The following SLC9A9 variants were observed in gnomAD, a reference collection of about 807,000 sequenced individuals.
The protein encoded by SLC9A9 is sodium/hydrogen exchanger 9.
SLC9A9 carries 62 observed loss-of-function variants against 77.8 expected under a neutral mutation model. The observed-to-expected ratio is 0.80, with a 90% CI of 0.65 to 0.98. The LOEUF is 0.98. Ranked by LOEUF, SLC9A9 falls within the 50% of genes least tolerant of loss-of-function variation. SLC9A9 has a pLI of 0.00. For missense variants in SLC9A9, 775 were observed against 774.9 expected (o/e 1.00, Z 0.00); for synonymous variants, 320 against 283.5 (o/e 1.13, Z -1.29).
intron 1 of SLC9A9, among the ~76,000 whole-genome samples, chr3:143,845,060 C>T (rs552687702): frequency 3.9e-5 from 6 of 152,116 alleles, no homozygotes; most frequent in Non-Finnish European, 7.4e-5. Context: ...TATGAGGATG[C>T]ATCTAGATCC....
chr3:143,725,289 G>T (rs932699137), intron 4 of SLC9A9, among the ~76,000 whole-genome samples: 4 of 152,052 alleles, frequency 2.6e-5, no homozygotes, highest in Non-Finnish European at 5.9e-5. Context: ...CTGTTGGTGG[G>T]ACTGTTAACT....
At chr3:143,745,402 C>T (rs951451392) in intron 4 of SLC9A9, among the ~76,000 whole-genome samples, 5 of 152,160 alleles carry the variant, frequency 3.3e-5, no homozygotes, top group Admixed American at 3.3e-4. Context: ...ATCTCTTGGG[C>T]TGTACTCATT....
intron 4 of SLC9A9, among the ~76,000 whole-genome samples, chr3:143,752,470 C>T (rs1025189043): frequency 2.0e-5 from 3 of 152,250 alleles, no homozygotes; most frequent in African/African-American, 4.8e-5. Context: ...AAAAGCATAG[C>T]GGCCTCCATA....
chr3:143,322,209 G>A (rs769898164), intron 14 of SLC9A9, among the ~76,000 whole-genome samples: 52 of 152,202 alleles, frequency 3.4e-4, no homozygotes, highest in Non-Finnish European at 6.5e-4. Context: ...GTGTCTGTGA[G>A]GGTGTTTCTG....
At chr3:143,274,562 T>C (rs998084868) in intron 14 of SLC9A9, among the ~76,000 whole-genome samples, 1 of 152,308 alleles carries the variant, frequency 6.6e-6, no homozygotes, top group African/African-American at 2.4e-5. Flanking sequence ...AATTTCAAGC[T>C]ACTGACACAA....
At chr3:143,688,521 G>C (rs955963571) in intron 5 of SLC9A9, among the ~76,000 whole-genome samples, 1 of 152,090 alleles carries the variant, frequency 6.6e-6, no homozygotes, top group African/African-American at 2.4e-5. Context: ...TGGCAGAAGA[G>C]AACAACCTTA....
intron 4 of SLC9A9, among the ~76,000 whole-genome samples, chr3:143,737,390 A>G: frequency 6.6e-6 from 1 of 152,100 alleles, no homozygotes; most frequent in Non-Finnish European, 1.5e-5. Flanking sequence ...GACAGCAGGT[A>G]GAATAATTAA....
At chr3:143,667,193 C>CCA (rs1163010694) in intron 5 of SLC9A9, among the ~76,000 whole-genome samples, 4 of 152,316 alleles carry the variant, frequency 2.6e-5, no homozygotes, top group African/African-American at 7.2e-5. Context: ...CTACAACCAT[C>CCA]TGATCTTTGA....
intron 14 of SLC9A9, among the ~76,000 whole-genome samples, chr3:143,342,508 T>C (rs2032133333): frequency 1.3e-5 from 2 of 152,186 alleles, no homozygotes; most frequent in Admixed American, 1.3e-4. Flanking sequence ...TGCTGATGTA[T>C]TTCAGTTTAT....
At chr3:143,648,717 C>T (rs7647113) in intron 6 of SLC9A9, among the ~76,000 whole-genome samples, 1,928 of 152,276 alleles carry the variant, frequency 0.013, 42 homozygotes, top group African/African-American at 0.044. Context: ...CTTGAACTCA[C>T]GGAGCAGGTG....
chr3:143,667,761 T>C, intron 5 of SLC9A9, among the ~76,000 whole-genome samples: 1 of 152,094 alleles, frequency 6.6e-6, no homozygotes, highest in East Asian at 1.9e-4. Flanking sequence ...ATCAGAGAAA[T>C]GTAAATCAAA....
intron 4 of SLC9A9, among the ~76,000 whole-genome samples, chr3:143,701,321 G>A (rs1279995620): frequency 6.6e-6 from 1 of 152,014 alleles, no homozygotes; most frequent in Admixed American, 6.6e-5. Context: ...AGGCACCAGG[G>A]AACAATTTTA....
chr3:143,767,370 CTGTGTATGTGTG>C (rs953912819), intron 4 of SLC9A9, among the ~76,000 whole-genome samples: 1 of 117,516 alleles, frequency 8.5e-6, no homozygotes, highest in Admixed American at 8.1e-5. Flanking sequence ...CAGTAAGTGT[CTGTGTATGTGTG>C]TGTGTGTGTG....
Position 143,502,546 on chromosome 3 carries a change from CA to C in SLC9A9, c.1090-7099del, listed in dbSNP as rs1178247489. Among the ~76,000 whole-genome samples the C allele has an allele frequency of 8.3e-4, 126 of 151,922 alleles. 1 individual carries two copies. The highest frequency in any genetic ancestry group is 1.9e-4 in the Non-Finnish European group (13 of 67,984). On this transcript the variant is annotated intron_variant, in intron 9 of 15. Transcript: ENST00000316549. ...GATTGACCTTTTTCTTCTATCCACA[CA>C]AAAAAATGTAATTTTACCATATTAT...
intron 12 of SLC9A9, among the ~76,000 whole-genome samples, chr3:143,395,079 A>C (rs2033692834): frequency 1.3e-5 from 2 of 152,224 alleles, no homozygotes; most frequent in African/African-American, 4.8e-5. Context: ...GACTTTCTTC[A>C]CAGAATTGGA....
In SLC9A9 at chr3:143,306,071, C is replaced by A. The variant is rs560501247; in HGVS notation, c.1605-37091G>T. On this transcript the variant is annotated intron_variant, in intron 14 of 15. Coordinates refer to ENST00000316549, the MANE Select transcript of SLC9A9 (RefSeq NM_173653.4). ...AAATGGAATTTCTTTAAAAAAAAAA[C>A]CCTCTAAAATGTGAGACTGACAAAT... Among the ~76,000 whole-genome samples the A allele has an allele frequency of 1.3e-3, 199 of 151,564 alleles. 1 individual carries two copies. Among genetic ancestry groups the A allele is most frequent in the African/African-American group, 4.5e-3 (187 of 41,340 alleles).
At chr3:143,460,040 C>G (rs2035162624) in intron 12 of SLC9A9, among the ~76,000 whole-genome samples, 1 of 152,172 alleles carries the variant, frequency 6.6e-6, no homozygotes, top group East Asian at 1.9e-4. Flanking sequence ...TATGTCCACT[C>G]TTCTGACCCA....
chr3:143,845,364 C>T lies in SLC9A9; in HGVS notation c.175+2784G>A, dbSNP rs118117894. Among the ~76,000 whole-genome samples, 5 of 152,194 alleles carry T rather than the reference C, an allele frequency of 3.3e-5. No homozygotes were observed. In the East Asian group the frequency reaches 9.6e-4, roughly 29 times the overall value. On this transcript the variant is annotated intron_variant, in intron 1 of 15. Transcript: ENST00000316549. Reference sequence around the variant, plus strand: ...ATTAAAAAGTGTTTACTACAGTATCCCATCATGTTCCTCTGGTGTAGTTTC... The same window carrying T: ...ATTAAAAAGTGTTTACTACAGTATCTCATCATGTTCCTCTGGTGTAGTTTC...
intron 14 of SLC9A9, among the ~76,000 whole-genome samples, chr3:143,316,652 G>A (rs998201793): frequency 6.6e-6 from 1 of 152,058 alleles, no homozygotes; most frequent in Non-Finnish European, 1.5e-5. Context: ...ATGAAATAAT[G>A]CACCCTGGGC....
Sources: gnomAD v4.1 joint callset for allele counts (sites outside exome capture counted in the v4.1 genomes callset) on GRCh38, gnomAD v4.1.1 for gene constraint, MANE v1.5 for transcripts, NCBI Gene and HGNC (gene_info 2026-07-23, HGNC 2026-07-21) for gene names.